FILIP1L: variants seen among roughly 807,000 people sequenced by gnomAD.
FILIP1L encodes the protein filamin A-interacting protein 1-like.
FILIP1L carries 55 observed loss-of-function variants against 96.6 expected under a neutral mutation model. That is an observed-to-expected ratio of 0.57 (90% CI 0.46 to 0.71). The LOEUF is 0.71. Ranked by LOEUF, FILIP1L falls within the 30% of genes least tolerant of loss-of-function variation. FILIP1L has a pLI of 0.00. For synonymous variants in FILIP1L, 467 were observed against 473.9 expected, an observed-to-expected ratio of 0.99 and a Z score of 0.19; for missense variants, 1,304 against 1,321.2, an observed-to-expected ratio of 0.99 and a Z score of 0.20.
At chr3:99,923,414 C>G (rs1302211646) in intron 4 of FILIP1L, among the ~76,000 whole-genome samples, 1 of 152,172 alleles carries the variant, frequency 6.6e-6, no homozygotes, top group East Asian at 1.9e-4. Flanking sequence ...GATCAAAATC[C>G]TACAACACAG....
chr3:99,917,464 C>A (rs1430841814), intron 4 of FILIP1L, among the ~76,000 whole-genome samples: 1 of 152,126 alleles, frequency 6.6e-6, no homozygotes. Flanking sequence ...GAGCTGGCTT[C>A]TACTCTGACT....
chr3:99,901,844 G>C (rs1178435017), intron 4 of FILIP1L, among the ~76,000 whole-genome samples: 1 of 152,074 alleles, frequency 6.6e-6, no homozygotes, highest in Admixed American at 6.6e-5. Flanking sequence ...ACATTTTTAA[G>C]ATTTATACAT....
chr3:99,896,641 A>G lies in FILIP1L; in HGVS notation c.605+27589T>C, dbSNP rs148801679. On this transcript the variant is annotated intron_variant, in intron 4 of 5. Coordinates refer to ENST00000477258, the MANE Select transcript of FILIP1L (RefSeq NM_001387850.1). ...GCTAAGAACAAAGGAACAGGCACCAAATTACTATCTTCTGGAGTGCTCTTC... is the reference window on the plus strand; with the variant it reads ...GCTAAGAACAAAGGAACAGGCACCAGATTACTATCTTCTGGAGTGCTCTTC... Among the ~76,000 whole-genome samples, 56 of 152,310 alleles carry G rather than the reference A, an allele frequency of 3.7e-4. 1 individual carries two copies. In the East Asian group the frequency reaches 0.01, roughly 28 times the overall value.
In FILIP1L at chr3:100,037,960, G is replaced by GA. The variant is rs1319777710; in HGVS notation, c.-11+76092_-11+76093insT. ...TTTTCTTTTTTTTTTTTTTTTTGGG[G>GA]GGGGAGGGAACAGAGTCTCAAATCT... On this transcript the variant is annotated intron_variant, in intron 1 of 5. Coordinates refer to ENST00000477258, the MANE Select transcript of FILIP1L (RefSeq NM_001387850.1). Among the ~76,000 whole-genome samples the GA allele has an allele frequency of 4.5e-3, 586 of 129,418 alleles. 7 individuals carry two copies. The highest frequency in any genetic ancestry group is 0.016 in the African/African-American group (536 of 34,172). 84.9% of individuals were successfully genotyped at this position (129,418 alleles called of 152,430 possible).
intron 4 of FILIP1L, among the ~76,000 whole-genome samples, chr3:99,862,675 T>G (rs1437595658): frequency 6.6e-6 from 1 of 152,222 alleles, no homozygotes; most frequent in African/African-American, 2.4e-5. Flanking sequence ...GCAGAGAAAT[T>G]GAGTCTGGTT....
At chr3:99,921,456 A>G (rs1442774393) in intron 4 of FILIP1L, among the ~76,000 whole-genome samples, 1 of 152,198 alleles carries the variant, frequency 6.6e-6, no homozygotes, top group Non-Finnish European at 1.5e-5. Context: ...ATGGGCCCAC[A>G]CTACCAAGAT....
intron 1 of FILIP1L, among the ~76,000 whole-genome samples, chr3:99,959,484 A>G (rs1447965485): frequency 2.0e-5 from 3 of 152,170 alleles, no homozygotes; most frequent in South Asian, 4.1e-4. Flanking sequence ...TATTTTCTAT[A>G]TAAATATTAA....
chr3:99,931,228 A>G (rs1227199076), intron 1 of FILIP1L, among the ~76,000 whole-genome samples, 198 bp from the exon 2 acceptor site: 1 of 152,116 alleles, frequency 6.6e-6, no homozygotes, highest in Non-Finnish European at 1.5e-5. Flanking sequence ...TTTTAAAGCA[A>G]ACATTTAAAA....
At chr3:99,899,172 C>A (rs537973092) in intron 4 of FILIP1L, among the ~76,000 whole-genome samples, 11 of 152,160 alleles carry the variant, frequency 7.2e-5, no homozygotes, top group South Asian at 2.1e-4. Context: ...CTAAAAATAT[C>A]TTTTAAAAGA....
At chr3:100,021,622 T>C (rs570442157) in intron 1 of FILIP1L, among the ~76,000 whole-genome samples, 1 of 152,292 alleles carries the variant, frequency 6.6e-6, no homozygotes, top group South Asian at 2.1e-4. Context: ...TGGCCCTCCA[T>C]AGAGCACTAC....
chr3:99,851,838 T>A (rs1943711809), intron 4 of FILIP1L, among the ~76,000 whole-genome samples: 1 of 152,180 alleles, frequency 6.6e-6, no homozygotes, highest in Admixed American at 6.5e-5. Context: ...TTCACATATA[T>A]CTTATCCTCA....
At chr3:100,049,912 G>A (rs972232650) in intron 1 of FILIP1L, among the ~76,000 whole-genome samples, 2 of 152,134 alleles carry the variant, frequency 1.3e-5, no homozygotes, top group African/African-American at 2.4e-5. Context: ...AGTTTGGGGG[G>A]AGTCAAAAGT....
At chr3:99,997,879 TA>T (rs1199494228) in intron 1 of FILIP1L, among the ~76,000 whole-genome samples, 1 of 152,216 alleles carries the variant, frequency 6.6e-6, no homozygotes, top group African/African-American at 2.4e-5. Context: ...AAATGTAAAC[TA>T]AAGTATAATG....
chr3:99,919,312 A>G (rs1200929281), intron 4 of FILIP1L, among the ~76,000 whole-genome samples: 1 of 151,494 alleles, frequency 6.6e-6, no homozygotes, highest in African/African-American at 2.4e-5. Flanking sequence ...CCTTAGAAGA[A>G]TCAGTATCAG....
chr3:99,894,724 T>G (rs574712265), intron 4 of FILIP1L, among the ~76,000 whole-genome samples: 98 of 152,224 alleles, frequency 6.4e-4, no homozygotes, highest in Non-Finnish European at 1.1e-3. Context: ...ACAAGGAAGC[T>G]TACTCAACCC....
At position 99,978,815 on chromosome 3, in the gene FILIP1L, G is replaced by A. The variant is rs548984012; in HGVS notation, c.-10-47785C>T. Among the ~76,000 whole-genome samples, 7 of 152,176 alleles carry A rather than the reference G, an allele frequency of 4.6e-5. No individual in the cohort carries two copies. In the East Asian group the frequency reaches 1.4e-3, roughly 29 times the overall value. Reference sequence around the variant, plus strand: ...CACGAGAGTCACTTGAACCCAGGAGGCGGAGGCTGCAGTGAGCTGAGATTA... The same window carrying A: ...CACGAGAGTCACTTGAACCCAGGAGACGGAGGCTGCAGTGAGCTGAGATTA... On this transcript the variant is annotated intron_variant, in intron 1 of 5. Transcript: ENST00000477258.
chr3:100,005,141 T>C (rs913413473), intron 1 of FILIP1L, among the ~76,000 whole-genome samples: 16 of 152,204 alleles, frequency 1.1e-4, no homozygotes, highest in Non-Finnish European at 1.6e-4. Context: ...CTTATCTTAC[T>C]CAAGGAAGTG....
chr3:100,037,594 A>G (rs947576227), intron 1 of FILIP1L, among the ~76,000 whole-genome samples: 16 of 152,238 alleles, frequency 1.1e-4, no homozygotes, highest in African/African-American at 3.6e-4. Context: ...AAATCCTTTT[A>G]GCAATCTTTA....
chr3:99,996,137 A>G (rs1709672642), intron 1 of FILIP1L, among the ~76,000 whole-genome samples: 1 of 152,206 alleles, frequency 6.6e-6, no homozygotes, highest in Non-Finnish European at 1.5e-5. Flanking sequence ...AATGCCTATA[A>G]CAGCACCCAG....
Sources: allele counts gnomAD v4.1 joint callset (sites outside exome capture counted in the v4.1 genomes callset), GRCh38; gene constraint gnomAD v4.1.1; transcripts MANE v1.5; gene names NCBI Gene and HGNC (gene_info 2026-07-23, HGNC 2026-07-21).